UNC5C: variants seen among roughly 807,000 people sequenced by gnomAD.
UNC5C encodes netrin receptor UNC5C.
Under a neutral mutation model 99.8 loss-of-function variants are expected in UNC5C, and 47 were observed. The ratio of observed to expected loss-of-function variants is 0.47; its 90% CI spans 0.37 to 0.60. The LOEUF (loss-of-function observed/expected upper bound fraction) is 0.60, where lower values mean the gene tolerates loss of function less well. Among genes scored for constraint, UNC5C ranks in the 20% least tolerant of loss-of-function variants. The probability of loss-of-function intolerance (pLI) is 0.00; values close to 1 mark genes in which losing one functional copy is unlikely to be tolerated. For synonymous variants in UNC5C, 487 were observed against 452.2 expected (o/e 1.08, Z -0.98); for missense variants, 1,062 against 1,165.9 (o/e 0.91, Z 1.30).
intron 1 of UNC5C, among the ~76,000 whole-genome samples, chr4:95,352,580 G>T (rs1744029741): frequency 6.6e-6 from 1 of 151,814 alleles, no homozygotes; most frequent in Non-Finnish European, 1.5e-5. Flanking sequence ...TGTCCATTTT[G>T]TTCAACACTT....
chr4:95,320,119 A>T (rs1343071527), intron 2 of UNC5C, among the ~76,000 whole-genome samples: 1 of 152,168 alleles, frequency 6.6e-6, no homozygotes, highest in Non-Finnish European at 1.5e-5. Flanking sequence ...ACTTTTAAAA[A>T]CATGTTTCTT....
chr4:95,502,204 C>T (rs1560486330), intron 1 of UNC5C, among the ~76,000 whole-genome samples: 1 of 152,076 alleles, frequency 6.6e-6, no homozygotes, highest in Non-Finnish European at 1.5e-5. Flanking sequence ...TTATGACTGG[C>T]CCCCAATCAC....
intron 1 of UNC5C, among the ~76,000 whole-genome samples, chr4:95,429,515 C>T (rs912749934): frequency 6.6e-6 from 1 of 152,014 alleles, no homozygotes; most frequent in Non-Finnish European, 1.5e-5. Context: ...CAATCAAAAA[C>T]TCAAATCCTC....
At chr4:95,419,065 T>C (rs1362157319) in intron 1 of UNC5C, among the ~76,000 whole-genome samples, 2 of 152,184 alleles carry the variant, frequency 1.3e-5, no homozygotes, top group African/African-American at 4.8e-5. Flanking sequence ...TATTTAGAAT[T>C]GAAATAATAT....
chr4:95,397,022 G>A (rs569926940), intron 1 of UNC5C, among the ~76,000 whole-genome samples: 3 of 152,194 alleles, frequency 2.0e-5, no homozygotes, highest in East Asian at 3.9e-4. Flanking sequence ...ATTCAGGGTC[G>A]AGGAAGCCAG....
chr4:95,528,559 A>C (rs1025473203), intron 1 of UNC5C, among the ~76,000 whole-genome samples: 1 of 152,190 alleles, frequency 6.6e-6, no homozygotes, highest in African/African-American at 2.4e-5. Context: ...GACAAACTCA[A>C]ACTCTGTTGC....
At chr4:95,332,289 C>T (rs1196705432) in intron 2 of UNC5C, among the ~76,000 whole-genome samples, 1 of 150,840 alleles carries the variant, frequency 6.6e-6, no homozygotes. Context: ...AAGAACAAAG[C>T]TGGAGGCATC....
intron 1 of UNC5C, among the ~76,000 whole-genome samples, chr4:95,396,264 G>A (rs1380287201): frequency 6.6e-6 from 1 of 152,118 alleles, no homozygotes; most frequent in Non-Finnish European, 1.5e-5. Flanking sequence ...ATCATCTTGG[G>A]TAAGATATTC....
intron 1 of UNC5C, among the ~76,000 whole-genome samples, chr4:95,456,701 T>C (rs1357728301): frequency 1.3e-5 from 2 of 152,150 alleles, no homozygotes; most frequent in African/African-American, 2.4e-5. Context: ...TGAAGTTATG[T>C]ACCAATGTGT....
chr4:95,424,633 T>C (rs1393056504), intron 1 of UNC5C, among the ~76,000 whole-genome samples: 1 of 149,252 alleles, frequency 6.7e-6, no homozygotes, highest in African/African-American at 2.5e-5. Context: ...GCCATTCTCC[T>C]GCCTCAGCCT....
At chr4:95,484,505 A>G (rs373592078) in intron 1 of UNC5C, among the ~76,000 whole-genome samples, 114 of 151,920 alleles carry the variant, frequency 7.5e-4, no homozygotes, top group African/African-American at 2.7e-3. Flanking sequence ...TGTGGGCATT[A>G]GTGACATGTG....
rs183903371 is a variant in UNC5C, at chr4:95,329,135, T to C, written c.346+6275A>G. ...AGCAAGACCCCATCTCTACAAAAAA[T>C]GAAAAATTAGTCAGGCATGGTGGTG... On this transcript the variant is annotated intron_variant, in intron 2 of 15. Transcript: ENST00000453304. 2.6e-3 allele frequency among the ~76,000 whole-genome samples: 395 copies of C among 151,930 alleles called. 4 individuals carry two copies. The highest frequency in any genetic ancestry group is 1.7e-3 in the South Asian group (8 of 4,808).
intron 1 of UNC5C, among the ~76,000 whole-genome samples, chr4:95,424,265 T>C (rs1304915743): frequency 6.6e-6 from 1 of 151,780 alleles, no homozygotes; most frequent in East Asian, 1.9e-4. Context: ...CACCCCTCAT[T>C]CCAAGTGTAT....
chr4:95,402,607 G>A (rs1745731420), intron 1 of UNC5C, among the ~76,000 whole-genome samples: 1 of 152,098 alleles, frequency 6.6e-6, no homozygotes, highest in Admixed American at 6.5e-5. Flanking sequence ...AGTATTTGAG[G>A]ACACATATAA....
At chr4:95,407,637 G>C (rs1483861223) in intron 1 of UNC5C, among the ~76,000 whole-genome samples, 1 of 152,186 alleles carries the variant, frequency 6.6e-6, no homozygotes. Context: ...AGGAGAGAGA[G>C]AGAGGCACAA....
chr4:95,242,305 T>C, intron 7 of UNC5C, 124 bp downstream of exon 7: 1 of 1,342,978 alleles, frequency 7.4e-7, no homozygotes, highest in Non-Finnish European at 1.0e-6. Flanking sequence ...AGCTAGAATA[T>C]TGCTATGTTA....
intron 8 of UNC5C, 96 bp downstream of exon 8, chr4:95,219,889 C>T (rs944952967): frequency 1.5e-6 from 2 of 1,331,644 alleles, no homozygotes; most frequent in South Asian, 1.5e-5. Context: ...CTTCATGGAG[C>T]TTACATTCTA....
intron 1 of UNC5C, among the ~76,000 whole-genome samples, chr4:95,359,151 T>G (rs1435692738): frequency 2.6e-5 from 4 of 152,150 alleles, no homozygotes; most frequent in Non-Finnish European, 1.5e-5. Context: ...GTAGCTAGTA[T>G]CCATTTATCA....
intron 1 of UNC5C, among the ~76,000 whole-genome samples, chr4:95,425,443 T>C (rs987137869): frequency 2.0e-5 from 3 of 152,240 alleles, no homozygotes; most frequent in African/African-American, 7.2e-5. Context: ...TGCTTCAGCG[T>C]CGCGAGTAAC....
Sources: gnomAD v4.1 joint callset for allele counts (sites outside exome capture counted in the v4.1 genomes callset) on GRCh38, gnomAD v4.1.1 for gene constraint, MANE v1.5 for transcripts, NCBI Gene and HGNC (gene_info 2026-07-23, HGNC 2026-07-21) for gene names.